The following TRPM3 variants were observed in gnomAD, a reference collection of about 807,000 sequenced individuals.
TRPM3 encodes the protein transient receptor potential cation channel subfamily M member 3.
Under a neutral mutation model 181.2 loss-of-function variants are expected in TRPM3, and 77 were observed. That is an observed-to-expected ratio of 0.42 (90% CI 0.35 to 0.51). The LOEUF is 0.51. Ranked by LOEUF, TRPM3 falls within the 20% of genes least tolerant of loss-of-function variation. TRPM3 has a pLI of 0.01. For synonymous variants in TRPM3, 745 were observed against 796.4 expected, an observed-to-expected ratio of 0.94 and a Z score of 1.09; for missense variants, 1,759 against 2,196.7, an observed-to-expected ratio of 0.80 and a Z score of 3.98.
At chr9:70,565,875 C>T (rs986608813) in intron 22 of TRPM3, among the ~76,000 whole-genome samples, 2 of 152,124 alleles carry the variant, frequency 1.3e-5, no homozygotes, top group Non-Finnish European at 1.5e-5. Context: ...GCCTCAGTGT[C>T]CTCATTTCTA....
Position 70,536,472 on chromosome 9 carries a change from A to G in TRPM3, c.4641T>C (p.Phe1547=), listed in dbSNP as rs1431476730. The change falls in exon 26 of 26, where the codon TTT becomes TTC. Residue 1547 remains phenylalanine, a synonymous_variant. Coordinates refer to ENST00000677713, the MANE Select transcript of TRPM3 (RefSeq NM_001366145.2). ...ATTCTGCTGTTTTTACAGGCACCCC[A>G]AAGTTGGCATAATAGCTCCTTGAGG... is the stretch of plus-strand genomic sequence containing the variant. ...FSPSRSYYAN[F]GVPVKTAEYT... 1 of 1,614,054 alleles carries G rather than the reference A, an allele frequency of 6.2e-7. No homozygotes were observed. Among genetic ancestry groups the G allele is most frequent in the African/African-American group, 1.3e-5 (1 of 74,922 alleles).
At chr9:71,300,829 A>G (rs1269272090) in intron 1 of TRPM3, among the ~76,000 whole-genome samples, 1 of 152,164 alleles carries the variant, frequency 6.6e-6, no homozygotes, top group Non-Finnish European at 1.5e-5. Flanking sequence ...AATCAGATGT[A>G]TAAGATATAT....
intron 1 of TRPM3, among the ~76,000 whole-genome samples, chr9:71,405,996 C>T (rs2093428864): frequency 6.6e-6 from 1 of 152,100 alleles, no homozygotes; most frequent in Non-Finnish European, 1.5e-5. Flanking sequence ...AAATTGGTGG[C>T]TGGGCACGGT....
At chr9:71,249,664 CAACTAA>C (rs1190522801) in intron 1 of TRPM3, among the ~76,000 whole-genome samples, 5 of 152,112 alleles carry the variant, frequency 3.3e-5, no homozygotes, top group African/African-American at 1.2e-4. Context: ...CTGCAAAATA[CAACTAA>C]AACAATTAGA....
intron 1 of TRPM3, among the ~76,000 whole-genome samples, chr9:70,984,614 A>C (rs2097400754): frequency 6.6e-6 from 1 of 152,230 alleles, no homozygotes; most frequent in South Asian, 2.1e-4. Flanking sequence ...AGGATTATGC[A>C]CAACAGGGGA....
chr9:70,854,407 G>T (rs1240596839), intron 3 of TRPM3, among the ~76,000 whole-genome samples: 3 of 152,156 alleles, frequency 2.0e-5, no homozygotes, highest in Non-Finnish European at 4.4e-5. Context: ...ACACTGTGTG[G>T]ATTAAATTGT....
At chr9:71,442,747 G>A (rs1229771587) in intron 1 of TRPM3, among the ~76,000 whole-genome samples, 1 of 152,074 alleles carries the variant, frequency 6.6e-6, no homozygotes, top group Non-Finnish European at 1.5e-5. Context: ...TAAAAAATTT[G>A]AGATGAAATA....
At chr9:71,363,686 T>A (rs950173633) in intron 1 of TRPM3, among the ~76,000 whole-genome samples, 12 of 152,306 alleles carry the variant, frequency 7.9e-5, no homozygotes, top group African/African-American at 2.9e-4. Flanking sequence ...AAGTCTTAGC[T>A]TATACGCACT....
intron 1 of TRPM3, among the ~76,000 whole-genome samples, chr9:71,424,609 G>A (rs938918507): frequency 2.0e-5 from 3 of 152,044 alleles, no homozygotes; most frequent in African/African-American, 7.3e-5. Flanking sequence ...TTGCTTTTGT[G>A]TATAATTTTA....
At chr9:70,667,267 G>A (rs2061977716) in intron 9 of TRPM3, among the ~76,000 whole-genome samples, 3 of 152,036 alleles carry the variant, frequency 2.0e-5, no homozygotes, top group South Asian at 2.1e-4. Flanking sequence ...AGATAAACTG[G>A]TTGGGCTTCT....
intron 1 of TRPM3, among the ~76,000 whole-genome samples, chr9:71,028,118 T>C (rs1195890372): frequency 2.0e-5 from 3 of 152,140 alleles, no homozygotes; most frequent in African/African-American, 7.2e-5. Context: ...GCAGGCATCT[T>C]AGCAAAAACC....
intron 9 of TRPM3, among the ~76,000 whole-genome samples, chr9:70,678,639 C>T (rs1360284760): frequency 3.3e-5 from 5 of 152,174 alleles, no homozygotes; most frequent in Admixed American, 2.6e-4. Flanking sequence ...CATTTCCTGG[C>T]TTTCTCCTCT....
chr9:70,608,098 G>A (rs1039819482), intron 19 of TRPM3, among the ~76,000 whole-genome samples: 2 of 152,216 alleles, frequency 1.3e-5, no homozygotes, highest in African/African-American at 4.8e-5. Context: ...ACGCTGAGCT[G>A]TAACCAATCC....
intron 1 of TRPM3, among the ~76,000 whole-genome samples, chr9:71,111,565 A>C (rs544593436): frequency 1.3e-5 from 2 of 152,166 alleles, no homozygotes; most frequent in Non-Finnish European, 2.9e-5. Context: ...TGTCCCCCAC[A>C]ACAAAGACTT....
At chr9:71,331,508 C>T (rs2090108785) in intron 1 of TRPM3, among the ~76,000 whole-genome samples, 1 of 151,664 alleles carries the variant, frequency 6.6e-6, no homozygotes, top group Non-Finnish European at 1.5e-5. Context: ...CATAATTATT[C>T]TATATTCTAC....
At chr9:70,609,274 T>C (rs894528040) in intron 19 of TRPM3, among the ~76,000 whole-genome samples, 1 of 152,228 alleles carries the variant, frequency 6.6e-6, no homozygotes, top group Non-Finnish European at 1.5e-5. Context: ...AGCTGTTTTC[T>C]GCAAGGTTAA....
chr9:71,428,883 A>G (rs1345737527), intron 1 of TRPM3, among the ~76,000 whole-genome samples: 2 of 152,012 alleles, frequency 1.3e-5, no homozygotes, highest in East Asian at 3.9e-4. Flanking sequence ...CTTAATTTAA[A>G]AGCAAGAACT....
intron 1 of TRPM3, among the ~76,000 whole-genome samples, chr9:71,341,673 A>G (rs369776165): frequency 0.9 from 134,589 of 150,316 alleles, 60,763 homozygotes; most frequent in East Asian, 0.97. Flanking sequence ...AACTAGTAAA[A>G]AAAAAAAAAG....
chr9:70,616,690 C>A (rs1342274464), intron 17 of TRPM3, among the ~76,000 whole-genome samples: 1 of 151,854 alleles, frequency 6.6e-6, no homozygotes, highest in Non-Finnish European at 1.5e-5. Flanking sequence ...GAAACACAAA[C>A]ACACATACAC....
Sources: gnomAD v4.1 joint callset for allele counts (sites outside exome capture counted in the v4.1 genomes callset) on GRCh38, gnomAD v4.1.1 for gene constraint, MANE v1.5 for transcripts, NCBI Gene and HGNC (gene_info 2026-07-23, HGNC 2026-07-21) for gene names.